The following LRRC7 variants were observed in gnomAD, a reference collection of about 807,000 sequenced individuals.
LRRC7 encodes the protein leucine rich repeat containing 7.
Under a neutral mutation model 175.7 loss-of-function variants are expected in LRRC7, and 23 were observed. That is an observed-to-expected ratio of 0.13 (90% confidence interval 0.09 to 0.19). The LOEUF is 0.19. Ranked by LOEUF, LRRC7 falls within the 10% of genes least tolerant of loss-of-function variation. The probability of loss-of-function intolerance (pLI) is 1.00; values close to 1 mark genes in which losing one functional copy is unlikely to be tolerated. For missense variants in LRRC7, 1,354 were observed against 1,904.7 expected (o/e 0.71, Z 5.38); for synonymous variants, 685 against 680.9 (o/e 1.01, Z -0.09).
At chr1:70,110,686 A>G (rs918458047) in intron 26 of LRRC7, among the ~76,000 whole-genome samples, 3 of 152,208 alleles carry the variant, frequency 2.0e-5, no homozygotes, top group African/African-American at 7.2e-5. Context: ...ACTTGTACCT[A>G]GTCCAATAAA....
chr1:70,082,389 C>T (rs1663268875), intron 24 of LRRC7, among the ~76,000 whole-genome samples: 1 of 152,042 alleles, frequency 6.6e-6, no homozygotes, highest in South Asian at 2.1e-4. Flanking sequence ...GTGAATATTT[C>T]CCCCATAGAA....
chr1:69,853,270 C>CTTTTTTTTTTTTTTTTTT (rs1163071175), intron 7 of LRRC7, among the ~76,000 whole-genome samples: 2 of 88,012 alleles, frequency 2.3e-5, no homozygotes, highest in Non-Finnish European at 4.5e-5. Flanking sequence ...TCCTTTCTTT[C>CTTTTTTTTTTTTTTTTTT]TTTTTTTTTT....
At chr1:69,708,794 AG>A (rs892301881) in intron 2 of LRRC7, among the ~76,000 whole-genome samples, 54 of 152,290 alleles carry the variant, frequency 3.5e-4, no homozygotes, top group African/African-American at 1.3e-3. Context: ...TAACCTGGAC[AG>A]GTTTCTTTTA....
intron 23 of LRRC7, among the ~76,000 whole-genome samples, chr1:70,073,760 G>A (rs1318443249): frequency 6.6e-6 from 1 of 152,224 alleles, no homozygotes; most frequent in Non-Finnish European, 1.5e-5. Flanking sequence ...TCTGCCAGTG[G>A]AAGCAGATAT....
At chr1:69,805,548 C>G (rs990407235) in intron 4 of LRRC7, among the ~76,000 whole-genome samples, 1 of 151,818 alleles carries the variant, frequency 6.6e-6, no homozygotes, top group African/African-American at 2.4e-5. Flanking sequence ...ACTTTCAACA[C>G]TGTTAATGAG....
At chr1:69,649,380 A>T (rs958587503) in intron 1 of LRRC7, among the ~76,000 whole-genome samples, 1 of 152,274 alleles carries the variant, frequency 6.6e-6, no homozygotes, top group East Asian at 1.9e-4. Context: ...TGAGGATGAT[A>T]TATGTGCTTT....
chr1:69,832,800 A>C (rs1225835626), intron 5 of LRRC7, among the ~76,000 whole-genome samples: 1 of 152,140 alleles, frequency 6.6e-6, no homozygotes, highest in African/African-American at 2.4e-5. Flanking sequence ...TAATAGCAAA[A>C]TGAAAAACTA....
At chr1:69,853,525 C>A (rs1049030126) in intron 7 of LRRC7, among the ~76,000 whole-genome samples, 2 of 152,084 alleles carry the variant, frequency 1.3e-5, no homozygotes, top group Non-Finnish European at 2.9e-5. Flanking sequence ...GATCCGCCCA[C>A]CTTGGCCTCC....
chr1:69,684,277 T>C (rs544023905), intron 2 of LRRC7, among the ~76,000 whole-genome samples: 22 of 152,074 alleles, frequency 1.4e-4, no homozygotes, highest in Middle Eastern at 3.4e-3. Flanking sequence ...TATTTTAGAA[T>C]GAATGAGAAT....
intron 7 of LRRC7, among the ~76,000 whole-genome samples, chr1:69,885,401 C>T (rs1356243088): frequency 6.9e-5 from 10 of 145,428 alleles, no homozygotes; most frequent in South Asian, 6.5e-4. Flanking sequence ...AGTTTATTTG[C>T]GTAGAGGTGT....
At chr1:69,998,381 A>G (rs184854563) in intron 11 of LRRC7, among the ~76,000 whole-genome samples, 1 of 152,264 alleles carries the variant, frequency 6.6e-6, no homozygotes, top group East Asian at 1.9e-4. Flanking sequence ...ATTCAAACTC[A>G]GATGTTCAGA....
chr1:69,927,627 C>T (rs1021084719), intron 7 of LRRC7, among the ~76,000 whole-genome samples: 3 of 152,320 alleles, frequency 2.0e-5, no homozygotes, highest in East Asian at 1.9e-4. Context: ...GCATTCTTCA[C>T]GTAGTTCTCG....
intron 23 of LRRC7, among the ~76,000 whole-genome samples, chr1:70,056,249 C>T (rs1661142480): frequency 6.6e-6 from 1 of 151,930 alleles, no homozygotes; most frequent in Non-Finnish European, 1.5e-5. Flanking sequence ...CTCCATGGAA[C>T]AGAACTCCAT....
chr1:70,058,012 A>ATTT (rs1224681467), intron 23 of LRRC7, among the ~76,000 whole-genome samples: 1 of 134,498 alleles, frequency 7.4e-6, no homozygotes. Context: ...CAGACTCACA[A>ATTT]TTTTTTTTTT....
chr1:69,939,125 G>A (rs1193397230), intron 8 of LRRC7, among the ~76,000 whole-genome samples: 3 of 149,502 alleles, frequency 2.0e-5, no homozygotes, highest in Non-Finnish European at 4.4e-5. Flanking sequence ...GAAGTTATTG[G>A]GAGTATGTCA....
At position 70,141,988 on chromosome 1, in the gene LRRC7, T is replaced by G. The variant is rs1252989826; in HGVS notation, c.*20101T>G. The stretch of plus-strand genomic sequence containing the variant: ...AAATCACATTGTATTTCTTTGTATC[T>G]CTCCATTCCTCTTACCCTTCCCCAA... On this transcript the variant is annotated 3_prime_UTR_variant, in exon 27 of 27. Coordinates refer to ENST00000651989, the MANE Select transcript of LRRC7 (RefSeq NM_001370785.2). 6.6e-6 allele frequency: 1 copy of G among 152,046 alleles called. No homozygotes were observed. The highest frequency in any genetic ancestry group is 2.4e-5 in the African/African-American group (1 of 41,412). The allele number at this position is 152,046 out of a possible 1,614,324, so 9.4% of individuals were successfully genotyped here. A position where few individuals can be genotyped will look rare whatever the true frequency, so the allele number is the denominator to read the frequency against.
intron 6 of LRRC7, among the ~76,000 whole-genome samples, chr1:69,835,238 C>A (rs1680971378): frequency 6.6e-6 from 1 of 151,282 alleles, no homozygotes; most frequent in African/African-American, 2.4e-5. Context: ...CATATGATGA[C>A]CTAAATACTT....
intron 2 of LRRC7, among the ~76,000 whole-genome samples, chr1:69,717,969 GAA>G (rs1557642443): frequency 5.2e-5 from 5 of 96,368 alleles, no homozygotes; most frequent in South Asian, 4.1e-4. Flanking sequence ...GAAAAAGAAA[GAA>G]AGAGAAAGAA....
rs150435225 is a variant in LRRC7, at chr1:69,886,428, T to C, written c.648-45079T>C. Among the ~76,000 whole-genome samples the C allele has an allele frequency of 6.3e-3, 958 of 151,762 alleles. 10 individuals are homozygous for C. In the Middle Eastern group the frequency reaches 0.088, roughly 14 times the overall value. On this transcript the variant is annotated intron_variant, in intron 7 of 26. Transcript: ENST00000651989. ...GTTTAAAGTCTGTTTTATCAGAGACTAGGATTGCAAGCCCTGCCTTTTTTG... is the reference window on the plus strand; with the variant it reads ...GTTTAAAGTCTGTTTTATCAGAGACCAGGATTGCAAGCCCTGCCTTTTTTG...
Sources: allele counts gnomAD v4.1 joint callset (sites outside exome capture counted in the v4.1 genomes callset), GRCh38; gene constraint gnomAD v4.1.1; transcripts MANE v1.5; gene names NCBI Gene and HGNC (gene_info 2026-07-23, HGNC 2026-07-21).